BLZF1: variants seen among roughly 807,000 people sequenced by gnomAD.
BLZF1 encodes the protein basic leucine zipper nuclear factor 1.
BLZF1 carries 39 observed loss-of-function variants against 43.8 expected under a neutral mutation model. The observed-to-expected ratio is 0.89, with a 90% confidence interval of 0.69 to 1.16. The LOEUF is 1.16. Ranked by LOEUF, BLZF1 falls within the 50% of genes most tolerant of loss-of-function variation. BLZF1 has a pLI of 0.00. For synonymous variants in BLZF1, 136 were observed against 159.4 expected, an observed-to-expected ratio of 0.85 and a Z score of 1.11; for missense variants, 449 against 469.8, an observed-to-expected ratio of 0.96 and a Z score of 0.41.
downstream of BLZF1, among the ~76,000 whole-genome samples, chr1:169,391,157 C>T (rs73041720): frequency 3.5e-3 from 532 of 152,232 alleles, 3 homozygotes; most frequent in Middle Eastern, 0.02. Flanking sequence ...AAATGCAAAG[C>T]GGGTGTATAA....
At chr1:169,371,487 T>C (rs540177593) in intron 2 of BLZF1, among the ~76,000 whole-genome samples, 2 of 152,358 alleles carry the variant, frequency 1.3e-5, no homozygotes, top group Non-Finnish European at 2.9e-5. Flanking sequence ...ATTTAATCTG[T>C]CATCTGATGT....
In BLZF1 at chr1:169,378,223, C is replaced by T. The variant is rs564148926; in HGVS notation, c.469-107C>T. The T allele has an allele frequency of 4.3e-4, 451 of 1,059,070 alleles. 2 individuals are homozygous for T. In the South Asian group the frequency reaches 5.4e-3, roughly 13 times the overall value. 65.6% of individuals were successfully genotyped at this position (1,059,070 alleles called of 1,614,324 possible). Reference sequence around the variant, plus strand: ...ACTTTTTGATAGAAACTTCAAGTCACGGAGGTCCAAAATTACACAGAAACA... The same window carrying T: ...ACTTTTTGATAGAAACTTCAAGTCATGGAGGTCCAAAATTACACAGAAACA... On this transcript the variant is annotated intron_variant, in intron 3 of 6. Coordinates refer to ENST00000367808, the MANE Select transcript of BLZF1 (RefSeq NM_001320973.2).
Position 169,376,820 on chromosome 1 carries a change from A to T in BLZF1, c.309A>T (p.Gly103=), listed in dbSNP as rs1269926159. 1 of 1,613,472 alleles carries T rather than the reference A, an allele frequency of 6.2e-7. No individual in the cohort carries two copies. Among genetic ancestry groups the T allele is most frequent in the South Asian group, 1.1e-5 (1 of 91,064 alleles). Residue 103 remains glycine (G), a synonymous_variant, in exon 3 of 7, where the codon GGA becomes GGT. Transcript: ENST00000367808. ...PNKNTKVKSL[G]HHKGEFLGQS... ...AAAATACAAAGGTTAAGTCTCTGGG[A>T]CATCATAAAGGAGAATTCCTTGGTC...
chr1:169,375,144 T>C (rs949051497), intron 2 of BLZF1, among the ~76,000 whole-genome samples: 3 of 151,464 alleles, frequency 2.0e-5, no homozygotes, highest in Non-Finnish European at 4.4e-5. Flanking sequence ...TTTATTATAG[T>C]GAAAAATTGT....
intron 6 of BLZF1, among the ~76,000 whole-genome samples, chr1:169,383,887 C>G (rs537039589): frequency 6.6e-6 from 1 of 152,084 alleles, no homozygotes; most frequent in Non-Finnish European, 1.5e-5. Context: ...CCTGTGACCC[C>G]TCTTGAGCTT....
chr1:169,382,541 T>A (rs368586944), intron 6 of BLZF1, among the ~76,000 whole-genome samples: 1 of 152,224 alleles, frequency 6.6e-6, no homozygotes, highest in Non-Finnish European at 1.5e-5. Flanking sequence ...AAGTCACTGA[T>A]AATCCTTTTC....
intron 2 of BLZF1, among the ~76,000 whole-genome samples, chr1:169,372,917 A>G (rs1654168347): frequency 1.3e-5 from 2 of 152,142 alleles, no homozygotes; most frequent in African/African-American, 4.8e-5. Flanking sequence ...ATTTAAGCCA[A>G]ACATTATCCT....
At chr1:169,391,656 A>G (rs1194531762), downstream of BLZF1, among the ~76,000 whole-genome samples, 3 of 152,240 alleles carry the variant, frequency 2.0e-5, no homozygotes, top group African/African-American at 7.2e-5. Flanking sequence ...CTTCTAAGCT[A>G]TATGTCCATG....
In BLZF1 at chr1:169,378,382, A is replaced by T. The variant is rs770517614; in HGVS notation, c.521A>T (p.Gln174Leu). Residue 174 changes from glutamine (Q) to leucine (L), a missense_variant, in exon 4 of 7, where the codon CAG (glutamine) becomes CTG (leucine). Gln to Leu is a moderately radical substitution (Grantham distance 113, BLOSUM62 -2). Transcript: ENST00000367808. ...GTGGCTTCTGTTGGGGATGATCTTC[A>T]GTATCACTTTGAACGTCTAGCCCGT... ...LLVASVGDDL[Q>L]YHFERLAREK... 2 of 1,612,998 alleles carry T rather than the reference A, an allele frequency of 1.2e-6. No homozygotes were observed. The highest frequency in any genetic ancestry group is 2.2e-5 in the East Asian group (1 of 44,846).
downstream of BLZF1, among the ~76,000 whole-genome samples, chr1:169,391,668 G>A (rs1654817197): frequency 6.6e-6 from 1 of 152,208 alleles, no homozygotes; most frequent in African/African-American, 2.4e-5. Flanking sequence ...ATGTCCATGT[G>A]TAAGTGTGCA....
At chr1:169,374,358 G>C (rs960118732) in intron 2 of BLZF1, among the ~76,000 whole-genome samples, 2 of 152,080 alleles carry the variant, frequency 1.3e-5, no homozygotes, top group African/African-American at 4.8e-5. Context: ...TTCAGTGGAA[G>C]TTCTCCTTGT....
intron 6 of BLZF1, among the ~76,000 whole-genome samples, chr1:169,386,563 C>G (rs1212373933): frequency 1.3e-5 from 2 of 151,388 alleles, no homozygotes; most frequent in African/African-American, 4.9e-5. Flanking sequence ...CCTATAGTCC[C>G]AGCTACTCGG....
At chr1:169,369,766 C>T (rs1027745190) in intron 2 of BLZF1, among the ~76,000 whole-genome samples, 3 of 152,116 alleles carry the variant, frequency 2.0e-5, no homozygotes, top group Non-Finnish European at 4.4e-5. Flanking sequence ...TAGGTGACTA[C>T]TCTTAAACAT....
chr1:169,386,838 GAAGT>G (rs1216689102), intron 6 of BLZF1, among the ~76,000 whole-genome samples, 155 bp from the exon 7 acceptor site: 1 of 151,988 alleles, frequency 6.6e-6, no homozygotes, highest in East Asian at 1.9e-4. Flanking sequence ...ACAGCTTAAG[GAAGT>G]AAGTTGTCTT....
Position 169,381,763 on chromosome 1 carries a change from C to T in BLZF1, c.798-299C>T, listed in dbSNP as rs547468337. 1.7e-3 allele frequency among the ~76,000 whole-genome samples: 266 copies of T among 152,142 alleles called. 4 individuals are homozygous for T. Among genetic ancestry groups the T allele is most frequent in the Admixed American group, 3.1e-3 (47 of 15,276 alleles). On this transcript the variant is annotated intron_variant, in intron 5 of 6. Coordinates refer to ENST00000367808, the MANE Select transcript of BLZF1 (RefSeq NM_001320973.2). ...ATGTAACTCACCAAAAAAGAAAAAC[C>T]GTATGAATATCCCCATAGTTGCACA...
rs372941684 is a variant in BLZF1, at chr1:169,386,955, T to C, written c.1018-42T>C. On this transcript the variant is annotated intron_variant, in intron 6 of 6. Coordinates refer to ENST00000367808, the MANE Select transcript of BLZF1 (RefSeq NM_001320973.2). The stretch of plus-strand genomic sequence containing the variant: ...TCAATGAAATCTTAGGCTTTTACCA[T>C]CTATATTGCATACTTCTGACATTAT... 69 of 1,420,310 alleles carry C rather than the reference T, an allele frequency of 4.9e-5. 1 individual carries two copies. Among genetic ancestry groups the C allele is most frequent in the Non-Finnish European group, 9.7e-6 (10 of 1,035,166 alleles). 88.0% of individuals were successfully genotyped at this position (1,420,310 alleles called of 1,614,324 possible). A position where few individuals can be genotyped will look rare whatever the true frequency, so the allele number is the denominator to read the frequency against.
chr1:169,377,783 T>G (rs1285911718), intron 3 of BLZF1, among the ~76,000 whole-genome samples: 2 of 152,028 alleles, frequency 1.3e-5, no homozygotes, highest in Admixed American at 6.6e-5. Context: ...ACAGTGTCAT[T>G]GTTAATAGTA....
intron 6 of BLZF1, among the ~76,000 whole-genome samples, chr1:169,383,690 T>G (rs913329153): frequency 6.6e-6 from 1 of 152,050 alleles, no homozygotes; most frequent in Non-Finnish European, 1.5e-5. Flanking sequence ...CACTCTTTCT[T>G]GGCCCTGATG....
intron 2 of BLZF1, among the ~76,000 whole-genome samples, chr1:169,375,382 TATATATAAAAC>T (rs1654272483): frequency 1.7e-5 from 2 of 120,374 alleles, no homozygotes; most frequent in Non-Finnish European, 3.4e-5. Context: ...ATAAAACATA[TATATATAAAAC>T]ATATATATAT....
Sources: gnomAD v4.1 joint callset for allele counts (sites outside exome capture counted in the v4.1 genomes callset) on GRCh38, gnomAD v4.1.1 for gene constraint, MANE v1.5 for transcripts, NCBI Gene and HGNC (gene_info 2026-07-23, HGNC 2026-07-21) for gene names.